NUP214: variants seen among roughly 807,000 people sequenced by gnomAD.
The protein encoded by NUP214 is nuclear pore complex protein Nup214.
In NUP214, 79 loss-of-function variants were observed where a neutral mutation model predicts 196.2. The observed-to-expected ratio is 0.40, with a 90% CI of 0.34 to 0.49. NUP214 has a LOEUF of 0.49. Among genes scored for constraint, NUP214 ranks in the 20% least tolerant of loss-of-function variants. The pLI, the probability that NUP214 is intolerant of heterozygous loss-of-function variation, is 0.58. For missense variants in NUP214, 2,468 were observed against 2,539.0 expected (o/e 0.97, Z 0.60); for synonymous variants, 1,020 against 990.5 (o/e 1.03, Z -0.56).
chr9:131,188,551 A>T (rs920882943), intron 25 of NUP214, among the ~76,000 whole-genome samples: 2 of 152,260 alleles, frequency 1.3e-5, no homozygotes, highest in African/African-American at 2.4e-5. Flanking sequence ...GCATTTAAGC[A>T]TTTAGCATTC....
intron 33 of NUP214, chr9:131,229,673 A>G (rs907089873): frequency 3.9e-6 from 2 of 514,084 alleles, no homozygotes; most frequent in African/African-American, 3.9e-5. Context: ...GTCCCTGGCC[A>G]TGAGCCTGTC....
chr9:131,200,696 G>A (rs1016116308), intron 29 of NUP214, among the ~76,000 whole-genome samples: 10 of 151,974 alleles, frequency 6.6e-5, no homozygotes, highest in Admixed American at 2.6e-4. Context: ...GCAATAGAGC[G>A]AGACTCCATC....
intron 30 of NUP214, among the ~76,000 whole-genome samples, chr9:131,211,493 C>G (rs1834239695): frequency 6.6e-6 from 1 of 152,172 alleles, no homozygotes; most frequent in Admixed American, 6.5e-5. Flanking sequence ...TTCCCATGAT[C>G]TGGTTTCTGA....
chr9:131,154,929 A>G (rs554184052), intron 17 of NUP214, among the ~76,000 whole-genome samples: 21 of 152,312 alleles, frequency 1.4e-4, no homozygotes, highest in East Asian at 7.7e-4. Context: ...TATTTTTGCA[A>G]TTGTGAATTG....
At chr9:131,156,590 C>T (rs1832455467) in intron 17 of NUP214, among the ~76,000 whole-genome samples, 1 of 143,794 alleles carries the variant, frequency 7.0e-6, no homozygotes, top group Admixed American at 7.0e-5. Context: ...TTTTTTGCAG[C>T]TATTATAAAA....
intron 23 of NUP214, among the ~76,000 whole-genome samples, chr9:131,176,595 C>A (rs1833129294): frequency 6.6e-6 from 1 of 152,150 alleles, no homozygotes; most frequent in Non-Finnish European, 1.5e-5. Flanking sequence ...TCCCAAAGTG[C>A]TGGGATTATA....
At chr9:131,158,163 C>T (rs1340692481) in intron 17 of NUP214, among the ~76,000 whole-genome samples, 1 of 152,206 alleles carries the variant, frequency 6.6e-6, no homozygotes, top group African/African-American at 2.4e-5. Flanking sequence ...ACTGCAGCCT[C>T]CGCCTCCTGT....
chr9:131,180,081 A>G (rs1268943976), intron 24 of NUP214, among the ~76,000 whole-genome samples: 1 of 152,228 alleles, frequency 6.6e-6, no homozygotes, highest in Non-Finnish European at 1.5e-5. Context: ...ATTTCCCTAA[A>G]TGGTTCATCT....
At chr9:131,188,237 G>A (rs146723845) in intron 25 of NUP214, among the ~76,000 whole-genome samples, 80 of 152,348 alleles carry the variant, frequency 5.3e-4, no homozygotes, top group Non-Finnish European at 9.6e-4. Context: ...CATATTTTTA[G>A]TGATGTTATG....
At chr9:131,175,728 C>T in intron 23 of NUP214, 107 bp downstream of exon 23, 1 of 1,414,908 alleles carries the variant, frequency 7.1e-7, no homozygotes. Context: ...TGGTGCCCTT[C>T]AGAAGAGAAG....
Position 131,233,493 on chromosome 9 carries a change from T to C in NUP214, c.*6T>C, listed in dbSNP as rs1173298926. The stretch of plus-strand genomic sequence containing the variant: ...TTGGTGGCTGGCGAAGCTGAGGGCG[T>C]GTCAGCAGGCCTTTCGATCCCTGGG... On this transcript the variant is annotated 3_prime_UTR_variant, in exon 36 of 36. Coordinates refer to ENST00000359428, the MANE Select transcript of NUP214 (RefSeq NM_005085.4). 2.5e-6 allele frequency: 4 copies of C among 1,613,868 alleles called. No individual in the cohort carries two copies. The highest frequency in any genetic ancestry group is 2.5e-6 in the Non-Finnish European group (3 of 1,179,882).
chr9:131,195,230 T>A lies in NUP214; in HGVS notation c.3660-3T>A. 1 of 1,608,626 alleles carries A rather than the reference T, an allele frequency of 6.2e-7. No homozygotes were observed. The highest frequency in any genetic ancestry group is 8.5e-7 in the Non-Finnish European group (1 of 1,176,014). ...TTTTAATTTCTCTTTTTCCACTTGT[T>A]AGGACTGGCTTTAATTTTGGGATAA... On this transcript the variant is annotated splice_polypyrimidine_tract_variant and splice_region_variant and intron_variant, in intron 27 of 35. Transcript: ENST00000359428.
rs540235930 is a variant in NUP214 at position 131,170,296 on chromosome 9, C to T, written c.2894-3759C>T. ...TGCACTCCAGCTTGGGCAACAAGAG[C>T]GAAACTCCGTCTTTAAAAAAAGAAA... On this transcript the variant is annotated intron_variant, in intron 21 of 35. Transcript: ENST00000359428. 3.9e-5 allele frequency among the ~76,000 whole-genome samples: 6 copies of T among 152,154 alleles called. No individual in the cohort carries two copies. The South Asian group carries it at 6.2e-4, about 16-fold the overall frequency.
At chr9:131,173,637 A>G (rs1462265645) in intron 21 of NUP214, among the ~76,000 whole-genome samples, 1 of 151,532 alleles carries the variant, frequency 6.6e-6, no homozygotes, top group East Asian at 1.9e-4. Context: ...TTTCTAATCC[A>G]TTTTGCGTTG....
At chr9:131,223,976 C>T (rs901007150) in intron 32 of NUP214, among the ~76,000 whole-genome samples, 2 of 150,718 alleles carry the variant, frequency 1.3e-5, no homozygotes, top group African/African-American at 2.4e-5. Context: ...CCTCGTGATC[C>T]GCCCGCCTCG....
chr9:131,232,296 G>T lies in NUP214; in HGVS notation c.6227G>T (p.Gly2076Val), dbSNP rs1347982658. 2 of 1,613,978 alleles carry T rather than the reference G, an allele frequency of 1.2e-6. No homozygotes were observed. The highest frequency in any genetic ancestry group is 1.7e-6 in the Non-Finnish European group (2 of 1,180,000). The change falls in exon 35 of 36, where the codon GGG (glycine) becomes GTG (valine). Residue 2076 changes from glycine (G) to valine (V), a missense_variant. Coordinates refer to ENST00000359428, the MANE Select transcript of NUP214 (RefSeq NM_005085.4). The surrounding 1 kb of genome is among the most constrained non-coding windows in gnomAD (Gnocchi z 5.1). ...TTCTGCTTTTCAGGGTTCAGCTTTG[G>T]GTCAAATAACTCGTAAGTATCCCCC... ...FGSGTGGFSF[G>V]SNNSSVQGFG... is the part of the protein sequence containing the mutation.
At chr9:131,143,459 T>TAAAA (rs1006847673) in intron 11 of NUP214, among the ~76,000 whole-genome samples, 4 of 151,958 alleles carry the variant, frequency 2.6e-5, no homozygotes, top group Non-Finnish European at 5.9e-5. Flanking sequence ...AATGTTTTCT[T>TAAAA]AAAAAAAATA....
rs1283146912 is a variant in NUP214 at position 131,146,112 on chromosome 9, AG to A, written c.1770-15del. On this transcript the variant is annotated splice_polypyrimidine_tract_variant and intron_variant, in intron 12 of 35. Transcript: ENST00000359428. This position sits in a 1 kb window ranked among gnomAD's most constrained non-coding sequence, Gnocchi z 4.6. ...TCTAGCAGGCTCTTCTGAGGCCTTC[AG>A]GCTGCCATTTTTCAGGTTTACTGCT... The A allele has an allele frequency of 6.2e-7, 1 of 1,613,582 alleles. No individual in the cohort carries two copies. Among genetic ancestry groups the A allele is most frequent in the Non-Finnish European group, 8.5e-7 (1 of 1,179,696 alleles).
Position 131,163,915 on chromosome 9 carries a change from C to A in NUP214, c.2769C>A (p.Thr923=). 6.2e-7 allele frequency: 1 copy of A among 1,614,128 alleles called. No homozygotes were observed. The highest frequency in any genetic ancestry group is 1.3e-5 in the African/African-American group (1 of 75,036). The stretch of plus-strand genomic sequence containing the variant: ...GCCTGTGCAATGCTTTGTTGAAAAC[C>A]ACCATAGAATCTCACACCAAATCCT... ...LESLCNALLK[T]TIESHTKSLP... Residue 923 remains threonine (T), a synonymous_variant, in exon 20 of 36, where the codon ACC becomes ACA. Transcript: ENST00000359428.
Sources: gnomAD v4.1 joint callset for allele counts (sites outside exome capture counted in the v4.1 genomes callset) on GRCh38, gnomAD v4.1.1 for gene constraint, Gnocchi (gnomAD v3.1) non-coding constraint, MANE v1.5 for transcripts, NCBI Gene and HGNC (gene_info 2026-07-23, HGNC 2026-07-21) for gene names.